The following ALG6 variants were observed in gnomAD, a reference collection of about 807,000 sequenced individuals.
The protein encoded by ALG6 is ALG6 alpha-1,3-glucosyltransferase.
In ALG6, 46 loss-of-function variants were observed where a neutral mutation model predicts 66.6. That is an observed-to-expected ratio of 0.69 (90% CI 0.55 to 0.88). ALG6 has a LOEUF of 0.88. ALG6 is among the 40% of genes least tolerant of loss of function. The pLI is 0.00. For missense variants in ALG6, 505 were observed against 586.8 expected, an observed-to-expected ratio of 0.86 and a Z score of 1.44; for synonymous variants, 185 against 203.7, an observed-to-expected ratio of 0.91 and a Z score of 0.78.
At chr1:63,367,893 C>A (rs1647777892) in intron 1 of ALG6, among the ~76,000 whole-genome samples, 1 of 152,178 alleles carries the variant, frequency 6.6e-6, no homozygotes, top group Non-Finnish European at 1.5e-5. Flanking sequence ...AGTGGTGGCA[C>A]TTGCAGGCTG....
In ALG6 at chr1:63,433,041, T is replaced by C. The variant is rs1644656441; in HGVS notation, c.1327-3782T>C. On this transcript the variant is annotated intron_variant, in intron 14 of 14. Coordinates refer to ENST00000263440, the MANE Select transcript of ALG6 (RefSeq NM_013339.4). This position sits in a 1 kb window ranked among gnomAD's most constrained non-coding sequence, Gnocchi z 4.2. ...CACTGCAACCTCAACCTCCTGGGTT[T>C]ATGCAATTCTTCTGCCTCAGCCTCC... Among the ~76,000 whole-genome samples, 1 of 152,120 alleles carries C rather than the reference T, an allele frequency of 6.6e-6. No homozygotes were observed. The highest frequency in any genetic ancestry group is 1.5e-5 in the Non-Finnish European group (1 of 68,004).
At position 63,422,382 on chromosome 1, in the gene ALG6, A is replaced by AAT. The variant is rs1232372448; in HGVS notation, c.1058+2950_1058+2951dup. ...ATAAATATAAATATATATAAGTATAAATATATATAAATATATATCTATATA... is the reference window on the plus strand; with the variant it reads ...ATAAATATAAATATATATAAGTATAAATATATATATAAATATATATCTATATA... On this transcript the variant is annotated intron_variant, in intron 12 of 14. Transcript: ENST00000263440. Among the ~76,000 whole-genome samples, 6 of 97,354 alleles carry AAT rather than the reference A, an allele frequency of 6.2e-5. 1 individual carries two copies. The highest frequency in any genetic ancestry group is 1.3e-4 in the African/African-American group (3 of 23,206). The allele number at this position is 97,354 out of a possible 152,430, so 63.9% of individuals were successfully genotyped here. A position where few individuals can be genotyped will look rare whatever the true frequency, so the allele number is the denominator to read the frequency against.
chr1:63,435,914 CA>C (rs1644676510), intron 14 of ALG6, among the ~76,000 whole-genome samples: 1 of 152,082 alleles, frequency 6.6e-6, no homozygotes. Context: ...GATGACCACA[CA>C]ACTACAATAA....
At chr1:63,371,940 G>A (rs1647939971) in intron 2 of ALG6, among the ~76,000 whole-genome samples, 1 of 152,186 alleles carries the variant, frequency 6.6e-6, no homozygotes, top group African/African-American at 2.4e-5. Context: ...GGTCACAACA[G>A]AGGGTGATAA....
intron 2 of ALG6, among the ~76,000 whole-genome samples, chr1:63,380,364 G>A (rs1265635961): frequency 2.0e-5 from 3 of 152,198 alleles, no homozygotes; most frequent in Non-Finnish European, 2.9e-5. Context: ...AAGAAAGGAA[G>A]TAGTTTGGTG....
intron 12 of ALG6, among the ~76,000 whole-genome samples, chr1:63,420,717 C>T (rs1005501728): frequency 5.3e-5 from 8 of 151,500 alleles, no homozygotes; most frequent in Admixed American, 1.3e-4. Flanking sequence ...AAAAATTAGC[C>T]GGGCATGGTG....
At position 63,412,960 on chromosome 1, in the gene ALG6, C is replaced by T. The variant is rs192864390; in HGVS notation, c.816+899C>T. On this transcript the variant is annotated intron_variant, in intron 9 of 14. Transcript: ENST00000263440. ...GAAGATGGAACCAGCATTTTGAAAG[C>T]GACTAAGATGGGAGTTTGGTGTTGT... Among the ~76,000 whole-genome samples the T allele has an allele frequency of 4.0e-3, 605 of 152,164 alleles. 4 individuals are homozygous for T. Among genetic ancestry groups the T allele is most frequent in the African/African-American group, 0.013 (550 of 41,522 alleles).
chr1:63,420,677 G>A (rs1310070844), intron 12 of ALG6, among the ~76,000 whole-genome samples: 7 of 151,816 alleles, frequency 4.6e-5, no homozygotes, highest in Non-Finnish European at 8.8e-5. Context: ...TGACTAACAC[G>A]GTGAAACCCT....
chr1:63,402,340 A>G lies in ALG6; in HGVS notation c.254A>G (p.Tyr85Cys). Reference protein sequence around the residue: ...LTAYHSLLCAYVAKFINPDWI... With the variant: ...LTAYHSLLCACVAKFINPDWI... The stretch of plus-strand genomic sequence containing the variant: ...GCTTATCATAGTCTCCTATGTGCAT[A>G]TGTGTAAGTTTTTCTTTCTTAATGT... The change falls in exon 4 of 15, where the codon TAT (tyrosine) becomes TGT (cysteine). Residue 85 changes from tyrosine (Y) to cysteine (C), a missense_variant. Tyr to Cys is a radical substitution (Grantham distance 194, BLOSUM62 -2). Transcript: ENST00000263440. The G allele has an allele frequency of 6.2e-7, 1 of 1,604,208 alleles. No homozygotes were observed. The highest frequency in any genetic ancestry group is 8.5e-7 in the Non-Finnish European group (1 of 1,171,850).
At chr1:63,373,209 G>A (rs1283461434) in intron 2 of ALG6, among the ~76,000 whole-genome samples, 1 of 151,570 alleles carries the variant, frequency 6.6e-6, no homozygotes, top group African/African-American at 2.4e-5. Context: ...GTCTCACCAT[G>A]TTGCCCAGGC....
chr1:63,370,045 T>G lies in ALG6; in HGVS notation c.-207-726T>G, dbSNP rs377155264. Among the ~76,000 whole-genome samples the G allele has an allele frequency of 2.5e-4, 38 of 152,192 alleles. No individual in the cohort carries two copies. The East Asian group carries it at 3.1e-3, about 12-fold the overall frequency. On this transcript the variant is annotated intron_variant, in intron 1 of 14. Coordinates refer to ENST00000263440, the MANE Select transcript of ALG6 (RefSeq NM_013339.4). ...GTTGGTCAGGCTGGTCTTGAACTCC[T>G]GACCTCAGGTGATCTGCCCACCTCG...
chr1:63,370,973 G>A lies in ALG6; in HGVS notation c.-5G>A. Reference sequence around the variant, plus strand: ...TTTTCTTCCCCTCCCTAAATTTGAAGAACTATGGAGAAATGGTACTTGATG... The same window carrying A: ...TTTTCTTCCCCTCCCTAAATTTGAAAAACTATGGAGAAATGGTACTTGATG... On this transcript the variant is annotated 5_prime_UTR_variant, in exon 2 of 15. Transcript: ENST00000263440. The A allele has an allele frequency of 6.3e-7, 1 of 1,594,350 alleles. No homozygotes were observed. Among genetic ancestry groups the A allele is most frequent in the Non-Finnish European group, 8.6e-7 (1 of 1,162,088 alleles).
At chr1:63,422,016 A>C (rs926374608) in intron 12 of ALG6, among the ~76,000 whole-genome samples, 4 of 141,754 alleles carry the variant, frequency 2.8e-5, no homozygotes, top group Admixed American at 7.7e-5. Flanking sequence ...CTTAAAGTAT[A>C]TATATATACA....
At chr1:63,424,265 C>A (rs554347761) in intron 12 of ALG6, among the ~76,000 whole-genome samples, 4 of 152,132 alleles carry the variant, frequency 2.6e-5, no homozygotes, top group Non-Finnish European at 5.9e-5. Flanking sequence ...CTCAGCCTCC[C>A]GAGTAGCTGG....
chr1:63,379,430 T>C (rs1025459748), intron 2 of ALG6, among the ~76,000 whole-genome samples: 1 of 152,216 alleles, frequency 6.6e-6, no homozygotes, highest in Admixed American at 6.5e-5. Context: ...AAGGCCGAGA[T>C]GAGTACTATC....
At chr1:63,394,409 T>C (rs1194334697) in intron 2 of ALG6, among the ~76,000 whole-genome samples, 1 of 152,128 alleles carries the variant, frequency 6.6e-6, no homozygotes, top group Non-Finnish European at 1.5e-5. Flanking sequence ...AGACGGAGTC[T>C]CACTCTGTCG....
intron 11 of ALG6, among the ~76,000 whole-genome samples, chr1:63,417,993 G>A (rs1644553518): frequency 6.6e-6 from 1 of 152,030 alleles, no homozygotes; most frequent in East Asian, 1.9e-4. Flanking sequence ...AAATTTGCCA[G>A]GCGTCGTGGT....
chr1:63,374,697 G>A (rs1030268218), intron 2 of ALG6, among the ~76,000 whole-genome samples: 6 of 151,678 alleles, frequency 4.0e-5, no homozygotes, highest in Admixed American at 1.3e-4. Flanking sequence ...TTTTAATAGT[G>A]CAGGGCTATA....
At chr1:63,428,665 A>G in intron 12 of ALG6, 68 bp from the exon 13 acceptor site, 2 of 1,177,900 alleles carry the variant, frequency 1.7e-6, no homozygotes, top group Non-Finnish European at 2.4e-6. Context: ...ATGTATTTAT[A>G]TTTTTTACAA....
Sources: allele counts gnomAD v4.1 joint callset (sites outside exome capture counted in the v4.1 genomes callset), GRCh38; gene constraint gnomAD v4.1.1; non-coding constraint Gnocchi (gnomAD v3.1); transcripts MANE v1.5; gene names NCBI Gene and HGNC (gene_info 2026-07-23, HGNC 2026-07-21).